SYNE1: variants seen among roughly 807,000 people sequenced by gnomAD.
SYNE1 encodes spectrin repeat containing nuclear envelope protein 1.
In SYNE1, 616 loss-of-function variants were observed where a neutral mutation model predicts 1,111.0. The ratio of observed to expected loss-of-function variants is 0.55; its 90% CI spans 0.52 to 0.59. SYNE1 has a LOEUF of 0.59. Ranked by LOEUF, SYNE1 falls within the 20% of genes least tolerant of loss-of-function variation. The pLI is 0.00. For synonymous variants in SYNE1, 3,855 were observed against 3,825.8 expected (o/e 1.01, Z -0.28); for missense variants, 10,006 against 10,417.0 (o/e 0.96, Z 1.72).
intron 128 of SYNE1, among the ~76,000 whole-genome samples, chr6:152,184,082 G>A (rs2068944321): frequency 6.6e-6 from 1 of 152,150 alleles, no homozygotes; most frequent in Non-Finnish European, 1.5e-5. Context: ...GTGTCTCTAT[G>A]TGCCCAGCAC....
At chr6:152,509,589 A>G (rs1471838706) in intron 8 of SYNE1, among the ~76,000 whole-genome samples, 1 of 152,084 alleles carries the variant, frequency 6.6e-6, no homozygotes, top group Admixed American at 6.6e-5. Flanking sequence ...CTATTATCAT[A>G]TAAATGTATA....
chr6:152,223,153 A>G (rs2080571122), intron 117 of SYNE1, among the ~76,000 whole-genome samples: 1 of 152,250 alleles, frequency 6.6e-6, no homozygotes, highest in South Asian at 2.1e-4. Context: ...TAAACATAAC[A>G]TATATTAAAT....
intron 25 of SYNE1, among the ~76,000 whole-genome samples, chr6:152,451,934 G>A (rs2098654508): frequency 6.6e-6 from 1 of 151,902 alleles, no homozygotes; most frequent in African/African-American, 2.4e-5. Flanking sequence ...TGAGGTAGGA[G>A]GGGCAGCTAT....
chr6:152,604,158 ATATGTGTGTGTGTGTGTGTG>A (rs1027663692), intron 3 of SYNE1, among the ~76,000 whole-genome samples: 4 of 137,240 alleles, frequency 2.9e-5, no homozygotes, highest in South Asian at 4.6e-4. Context: ...CCAACCCTTT[ATATGTGTGTGTGTGTGTGTG>A]TATGTGTGTG....
intron 101 of SYNE1, 77 bp downstream of exon 101, chr6:152,261,955 A>G: frequency 2.4e-6 from 3 of 1,228,286 alleles, no homozygotes; most frequent in East Asian, 2.6e-5. Context: ...AATTAAGTTG[A>G]TTGCACAGTT....
chr6:152,179,121 G>C (rs1377020183), intron 129 of SYNE1, among the ~76,000 whole-genome samples: 1 of 151,830 alleles, frequency 6.6e-6, no homozygotes, highest in Non-Finnish European at 1.5e-5. Flanking sequence ...CACTGTGTTG[G>C]CCAGGCTGGT....
chr6:152,151,900 T>A, intron 134 of SYNE1, 59 bp downstream of exon 134: 5 of 1,593,436 alleles, frequency 3.1e-6, no homozygotes, highest in Non-Finnish European at 4.3e-6. Context: ...CAAGACTGCA[T>A]TCAAATGGCC....
At chr6:152,488,104 A>T (rs1250699110) in intron 12 of SYNE1, among the ~76,000 whole-genome samples, 4 of 151,876 alleles carry the variant, frequency 2.6e-5, no homozygotes, top group African/African-American at 9.7e-5. Flanking sequence ...GAGTTCTATA[A>T]ACACAATGAC....
At chr6:152,304,863 A>G (rs1483459174) in intron 91 of SYNE1, among the ~76,000 whole-genome samples, 1 of 152,224 alleles carries the variant, frequency 6.6e-6, no homozygotes, top group Non-Finnish European at 1.5e-5. Flanking sequence ...TACCAGGTGT[A>G]TGACAGTCTG....
At chr6:152,285,238 C>T (rs1424739567) in intron 95 of SYNE1, among the ~76,000 whole-genome samples, 1 of 152,162 alleles carries the variant, frequency 6.6e-6, no homozygotes, top group Non-Finnish European at 1.5e-5. Context: ...AAACCATCAC[C>T]CAGTCCAATG....
In SYNE1 at chr6:152,302,028, C is replaced by T. The variant is rs1346982643; in HGVS notation, c.17382G>A (p.Gln5794=). Residue 5794 remains glutamine, a synonymous_variant, in exon 92 of 146, where the codon CAG becomes CAA. Coordinates refer to ENST00000367255, the MANE Select transcript of SYNE1 (RefSeq NM_182961.4). ...LAQKIKGYQE[Q]IASLNSKCKM... is the part of the protein sequence containing the mutation. ...TGCACTTGGAATTCAAAGAAGCGAT[C>T]TGCTCCTGGTAGCCCTTAATTTTCT... is the stretch of plus-strand genomic sequence containing the variant. 1 of 1,614,278 alleles carries T rather than the reference C, an allele frequency of 6.2e-7. No homozygotes were observed. The highest frequency in any genetic ancestry group is 1.1e-5 in the South Asian group (1 of 91,088).
chr6:152,157,033 G>A (rs1002956181), intron 131 of SYNE1, among the ~76,000 whole-genome samples: 7 of 152,056 alleles, frequency 4.6e-5, no homozygotes, highest in African/African-American at 1.7e-4. Flanking sequence ...TACCATGTTG[G>A]CCAGGCTGGT....
At chr6:152,404,065 T>C in intron 46 of SYNE1, 148 bp downstream of exon 46, 1 of 478,274 alleles carries the variant, frequency 2.1e-6, no homozygotes, top group Admixed American at 3.3e-5. Flanking sequence ...ATGAGATATA[T>C]GTATCAGATA....
intron 130 of SYNE1, among the ~76,000 whole-genome samples, 174 bp from the exon 131 acceptor site, chr6:152,164,499 A>T (rs2063212912): frequency 6.6e-6 from 1 of 152,238 alleles, no homozygotes; most frequent in Non-Finnish European, 1.5e-5. Flanking sequence ...ATGAATACAG[A>T]CAAAGGAGCA....
At chr6:152,471,020 T>C (rs972708238) in intron 16 of SYNE1, among the ~76,000 whole-genome samples, 2 of 152,146 alleles carry the variant, frequency 1.3e-5, no homozygotes, top group Non-Finnish European at 2.9e-5. Flanking sequence ...TTATCTATAT[T>C]GATAGCCCAA....
chr6:152,394,052 C>T (rs2097691635), intron 51 of SYNE1, among the ~76,000 whole-genome samples: 2 of 152,268 alleles, frequency 1.3e-5, no homozygotes, highest in East Asian at 3.9e-4. Context: ...GTTTAACTCC[C>T]ACTTATGAGT....
At chr6:152,379,585 G>C (rs75205420) in intron 56 of SYNE1, among the ~76,000 whole-genome samples, 5,852 of 152,098 alleles carry the variant, frequency 0.038, 151 homozygotes, top group Non-Finnish European at 0.061. Context: ...CATTGTGATA[G>C]AAATATCTCC....
intron 87 of SYNE1, among the ~76,000 whole-genome samples, chr6:152,311,950 AT>A (rs201177649): frequency 0.046 from 7,037 of 151,742 alleles, 252 homozygotes; most frequent in Admixed American, 0.062. Flanking sequence ...CGCCTGGCTA[AT>A]TTTTTGTATT....
rs748132028 is a variant in SYNE1, at chr6:152,483,112, C to T, written c.1323G>A (p.Thr441=). 3.1e-6 allele frequency: 5 copies of T among 1,614,196 alleles called. No homozygotes were observed. Among genetic ancestry groups the T allele is most frequent in the Middle Eastern group, 1.6e-4 (1 of 6,062 alleles). Reference sequence around the variant, plus strand: ...TATGTTGCTCAAGTTTCCGTTGTATCGTGTTTGCTGTTTCCTCGTGGACCT... The same window carrying T: ...TATGTTGCTCAAGTTTCCGTTGTATTGTGTTTGCTGTTTCCTCGTGGACCT... The part of the protein sequence containing the change: ...VQQVHEETAN[T]IQRKLEQHKD... The change falls in exon 14 of 146, where the codon ACG becomes ACA. Residue 441 remains threonine, a synonymous_variant. Transcript: ENST00000367255.
Sources: allele counts gnomAD v4.1 joint callset (sites outside exome capture counted in the v4.1 genomes callset), GRCh38; gene constraint gnomAD v4.1.1; transcripts MANE v1.5; gene names NCBI Gene and HGNC (gene_info 2026-07-23, HGNC 2026-07-21).